The following ALKBH4 variants were observed in gnomAD, a reference collection of about 807,000 sequenced individuals.
ALKBH4 encodes alpha-ketoglutarate-dependent dioxygenase alkB homolog 4.
ALKBH4 carries 8 observed loss-of-function variants against 12.1 expected under a neutral mutation model. The observed-to-expected ratio is 0.66, with a 90% CI of 0.39 to 1.19. ALKBH4 has a LOEUF of 1.19. Ranked by LOEUF, ALKBH4 falls within the 50% of genes most tolerant of loss-of-function variation. The pLI, the probability that ALKBH4 is intolerant of heterozygous loss-of-function variation, is 0.01. For synonymous variants in ALKBH4, 195 were observed against 191.6 expected (o/e 1.02, Z -0.15); for missense variants, 403 against 430.4 (o/e 0.94, Z 0.56).
rs764782601 is a variant in ALKBH4, at chr7:102,464,797, C to G, written c.40G>C (p.Glu14Gln). The change falls in exon 1 of 3, where the codon GAA becomes CAA. Residue 14 changes from glutamate to glutamine, a missense_variant. Coordinates refer to ENST00000292566, the MANE Select transcript of ALKBH4 (RefSeq NM_017621.4). ...AAAETPEVLR[E>Q]CGCKGIRTCL... ...GTCCGGATGCCCTTGCAACCGCATT[C>G]CCGAAGGACTTCGGGGGTCTCGGCG... 6.4e-7 allele frequency: 1 copy of G among 1,566,222 alleles called. No homozygotes were observed. Among genetic ancestry groups the G allele is most frequent in the Non-Finnish European group, 8.6e-7 (1 of 1,160,822 alleles).
Position 102,464,751 on chromosome 7 carries a change from T to C in ALKBH4, c.86A>G (p.Gln29Arg). The C allele has an allele frequency of 6.4e-7, 1 of 1,570,992 alleles. No homozygotes were observed. Among genetic ancestry groups the C allele is most frequent in the Non-Finnish European group, 8.6e-7 (1 of 1,161,548 alleles). Residue 29 changes from glutamine to arginine, a missense_variant, in exon 1 of 3, where the codon CAG (glutamine) becomes CGG (arginine). Gln to Arg is a conservative substitution (Grantham distance 43). Transcript: ENST00000292566. ...CTCCCAGGGCGGGTCACTGCCGCGC[T>C]GCCGCTCGCAGATCAGACAGGTCCG... The part of the protein sequence containing the change: ...GIRTCLICER[Q>R]RGSDPPWELP...
rs756342230 is a variant in ALKBH4, at chr7:102,464,818, C to G, written c.19G>C (p.Glu7Gln). 11 of 1,531,456 alleles carry G rather than the reference C, an allele frequency of 7.2e-6. No individual in the cohort carries two copies. The highest frequency in any genetic ancestry group is 7.9e-6 in the Non-Finnish European group (9 of 1,144,746). 94.9% of individuals were successfully genotyped at this position (1,531,456 alleles called of 1,614,324 possible). ...CATTCCCGAAGGACTTCGGGGGTCT[C>G]GGCGGCAGCCGCCGCCATCGCGCCG... is the stretch of plus-strand genomic sequence containing the variant. MAAAAA[E>Q]TPEVLRECGC... Residue 7 changes from glutamate to glutamine, a missense_variant, in exon 1 of 3, where the codon GAG becomes CAG. By Grantham distance (29) the Glu-to-Gln change is conservative. Coordinates refer to ENST00000292566, the MANE Select transcript of ALKBH4 (RefSeq NM_017621.4).
chr7:102,458,196 G>A (rs1452221323), intron 2 of ALKBH4, among the ~76,000 whole-genome samples: 1 of 152,188 alleles, frequency 6.6e-6, no homozygotes, highest in Non-Finnish European at 1.5e-5. Context: ...CGCTTTGGAA[G>A]GCTGAGGCGG....
At chr7:102,458,679 G>A (rs1043036519) in intron 2 of ALKBH4, among the ~76,000 whole-genome samples, 1 of 151,476 alleles carries the variant, frequency 6.6e-6, no homozygotes, top group Non-Finnish European at 1.5e-5. Flanking sequence ...TCAAGGCTGC[G>A]GTGAGCCAAT....
intron 1 of ALKBH4, among the ~76,000 whole-genome samples, chr7:102,461,554 G>A (rs1358759223): frequency 1.3e-5 from 2 of 151,958 alleles, no homozygotes; most frequent in Admixed American, 1.3e-4. Context: ...TAGTAGAGAC[G>A]AGGTTTCACC....
chr7:102,461,694 A>G (rs575118052), intron 1 of ALKBH4, among the ~76,000 whole-genome samples: 5 of 152,340 alleles, frequency 3.3e-5, no homozygotes, highest in African/African-American at 1.2e-4. Flanking sequence ...AGTTTCGCCA[A>G]TGAAATAGCC....
rs1363974238 is a variant in ALKBH4 at position 102,457,782 on chromosome 7, C to A, written c.521G>T (p.Trp174Leu). 1.2e-6 allele frequency: 2 copies of A among 1,601,754 alleles called. No individual in the cohort carries two copies. Among genetic ancestry groups the A allele is most frequent in the Non-Finnish European group, 1.7e-6 (2 of 1,176,212 alleles). The change falls in exon 3 of 3, where the codon TGG (tryptophan) becomes TTG (leucine). Residue 174 changes from tryptophan to leucine, a missense_variant. Physicochemically the swap from Trp to Leu is moderately conservative, Grantham distance 61. Transcript: ENST00000292566. This position sits in a 1 kb window ranked among gnomAD's most constrained non-coding sequence, Gnocchi z 5.9. ...GCTGACCAGCCGCTCCCCCCACAGCCAGGCGTCGTCCAGGTGGGGGTCAAT... is the reference window on the plus strand; with the variant it reads ...GCTGACCAGCCGCTCCCCCCACAGCAAGGCGTCGTCCAGGTGGGGGTCAAT... ...SAIDPHLDDA[W>L]LWGERLVSLN...
At chr7:102,459,848 C>T (rs547723116) in intron 1 of ALKBH4, 47 bp from the exon 2 acceptor site, 175 of 1,519,740 alleles carry the variant, frequency 1.2e-4, no homozygotes, top group Non-Finnish European at 1.1e-4. Flanking sequence ...CAGCGAGACC[C>T]GGTCCCTACG....
At chr7:102,459,449 G>A (rs1030016798) in intron 2 of ALKBH4, 155 bp downstream of exon 2, 16 of 887,898 alleles carry the variant, frequency 1.8e-5, no homozygotes, top group African/African-American at 8.4e-5. Context: ...CCTGCAGCGA[G>A]TCTGGCTGCC....
intron 1 of ALKBH4, among the ~76,000 whole-genome samples, chr7:102,461,201 G>A (rs894924066): frequency 5.3e-5 from 8 of 152,004 alleles, no homozygotes; most frequent in African/African-American, 1.7e-4. Flanking sequence ...GCCGGGCGTC[G>A]TGGTGCATGC....
intron 1 of ALKBH4, among the ~76,000 whole-genome samples, chr7:102,462,846 C>T (rs6465866): frequency 0.54 from 81,489 of 152,010 alleles, 23,064 homozygotes; most frequent in Middle Eastern, 0.65. Context: ...GACTACCCTA[C>T]GTAGCTCACA....
chr7:102,461,988 A>G (rs561792552), intron 1 of ALKBH4, among the ~76,000 whole-genome samples: 11 of 151,906 alleles, frequency 7.2e-5, no homozygotes, highest in Non-Finnish European at 1.6e-4. Context: ...GCCCCTTCCA[A>G]TGCTTTACTT....
rs894455702 is a variant in ALKBH4 at position 102,456,631 on chromosome 7, C to T, written c.*763G>A. 1 of 152,232 alleles carries T rather than the reference C, an allele frequency of 6.6e-6. No homozygotes were observed. The highest frequency in any genetic ancestry group is 1.9e-4 in the East Asian group (1 of 5,188). The allele number at this position is 152,232 out of a possible 1,614,324, so 9.4% of individuals were successfully genotyped here. A position where few individuals can be genotyped will look rare whatever the true frequency, so the allele number is the denominator to read the frequency against. On this transcript the variant is annotated 3_prime_UTR_variant, in exon 3 of 3. Transcript: ENST00000292566. ...TGCCCTCCTCACATCCCCCAACCCT[C>T]CCTGGGCGTGGGGGTGTCAAGCATG...
intron 1 of ALKBH4, among the ~76,000 whole-genome samples, chr7:102,461,950 TTC>T (rs1256844871): frequency 6.6e-6 from 1 of 152,180 alleles, no homozygotes; most frequent in African/African-American, 2.4e-5. Context: ...GCCGCTGTCT[TTC>T]TCTGTTCTTC....
At chr7:102,458,875 G>A (rs1211873572) in intron 2 of ALKBH4, among the ~76,000 whole-genome samples, 2 of 151,926 alleles carry the variant, frequency 1.3e-5, no homozygotes, top group African/African-American at 2.4e-5. Context: ...GGGGCTGGGC[G>A]CGGTGGCTCA....
At chr7:102,459,529 G>A in intron 2 of ALKBH4, 75 bp downstream of exon 2, 3 of 1,505,600 alleles carry the variant, frequency 2.0e-6, no homozygotes, top group Non-Finnish European at 2.7e-6. Context: ...GCTGCAAGGA[G>A]GGGGATGGCC....
At position 102,457,779 on chromosome 7, in the gene ALKBH4, A is replaced by C. The variant is rs1183556457; in HGVS notation, c.524T>G (p.Leu175Arg). The part of the protein sequence containing the change: ...AIDPHLDDAW[L>R]WGERLVSLNL... ...GAGGCTGACCAGCCGCTCCCCCCACAGCCAGGCGTCGTCCAGGTGGGGGTC... is the reference window on the plus strand; with the variant it reads ...GAGGCTGACCAGCCGCTCCCCCCACCGCCAGGCGTCGTCCAGGTGGGGGTC... Residue 175 changes from leucine to arginine, a missense_variant, in exon 3 of 3, where the codon CTG becomes CGG. By Grantham distance (102) the Leu-to-Arg change is moderately radical. Transcript: ENST00000292566. The surrounding 1 kb of genome is among the most constrained non-coding windows in gnomAD (Gnocchi z 5.9). The C allele has an allele frequency of 6.2e-7, 1 of 1,600,388 alleles. No individual in the cohort carries two copies. Among genetic ancestry groups the C allele is most frequent in the Non-Finnish European group, 8.5e-7 (1 of 1,175,274 alleles).
At chr7:102,464,145 C>G (rs1797877361) in intron 1 of ALKBH4, among the ~76,000 whole-genome samples, 1 of 152,152 alleles carries the variant, frequency 6.6e-6, no homozygotes, top group South Asian at 2.1e-4. Flanking sequence ...TGCAACCAAC[C>G]ACAGTCCTTC....
chr7:102,457,689 G>A lies in ALKBH4; in HGVS notation c.614C>T (p.Ser205Leu), dbSNP rs1313136343. 5 of 1,554,734 alleles carry A rather than the reference G, an allele frequency of 3.2e-6. No homozygotes were observed. Among genetic ancestry groups the A allele is most frequent in the Admixed American group, 1.9e-5 (1 of 53,184 alleles). Residue 205 changes from serine to leucine, a missense_variant, in exon 3 of 3, where the codon TCG (serine) becomes TTG (leucine). Coordinates refer to ENST00000292566, the MANE Select transcript of ALKBH4 (RefSeq NM_017621.4). The surrounding 1 kb of genome is among the most constrained non-coding windows in gnomAD (Gnocchi z 5.9). ...GGCCTCCGGGGCAGCCGACGGGGCC[G>A]AGCAGAGGAGCAGGCTCCCGGGCGC... ...REAPGSLLLC[S>L]APSAAPEALV...
Sources: gnomAD v4.1 joint callset for allele counts (sites outside exome capture counted in the v4.1 genomes callset) on GRCh38, gnomAD v4.1.1 for gene constraint, Gnocchi (gnomAD v3.1) non-coding constraint, MANE v1.5 for transcripts, NCBI Gene and HGNC (gene_info 2026-07-23, HGNC 2026-07-21) for gene names.